Variants in PPP2R5C observed in about 807,000 individuals in gnomAD.
The protein encoded by PPP2R5C is protein phosphatase 2 regulatory subunit B'gamma.
Under a neutral mutation model 68.9 loss-of-function variants are expected in PPP2R5C, and 7 were observed. The observed-to-expected ratio is 0.10, with a 90% CI of 0.06 to 0.19. The LOEUF is 0.19. PPP2R5C is among the 10% of genes least tolerant of loss of function. The pLI is 1.00. For synonymous variants in PPP2R5C, 210 were observed against 222.2 expected (o/e 0.95, Z 0.49); for missense variants, 348 against 641.3 (o/e 0.54, Z 4.94).
upstream of PPP2R5C, chr14:101,761,785 GGCGGCGGCGGCGGCGGCC>G (rs2036550937): frequency 1.0e-6 from 1 of 970,560 alleles, no homozygotes; most frequent in African/African-American, 1.8e-5. Context: ...GTCCCCGGGC[GGCGGCGGCGGCGGCGGCC>G]GCGGGGGCGC....
upstream of PPP2R5C, among the ~76,000 whole-genome samples, chr14:101,809,409 A>C (rs575376135): frequency 1.3e-5 from 2 of 151,784 alleles, no homozygotes; most frequent in African/African-American, 4.8e-5. Context: ...AAAAAACAAA[A>C]AAAAAACACT....
At position 101,899,522 on chromosome 14, in the gene PPP2R5C, T is replaced by C. The variant is rs951855265; in HGVS notation, c.853-2197T>C. Among the ~76,000 whole-genome samples the C allele has an allele frequency of 2.6e-5, 4 of 152,188 alleles. No homozygotes were observed. Among genetic ancestry groups the C allele is most frequent in the Admixed American group, 6.5e-5 (1 of 15,286 alleles). The stretch of plus-strand genomic sequence containing the variant: ...CAAAATAGCTGATACCGATCACAGC[T>C]CATTCCAAACAATGTGAACAGGAAG... On this transcript the variant is annotated intron_variant, in intron 8 of 13. Transcript: ENST00000334743. The surrounding 1 kb of genome is among the most constrained non-coding windows in gnomAD (Gnocchi z 4.2).
At position 101,888,299 on chromosome 14, in the gene PPP2R5C, A is replaced by G. The variant is rs2044650585; in HGVS notation, c.630-1938A>G. ...CTGCAGGGTGAGTTTCGTAAATTAA[A>G]GCACCTCTCGGTGTAGACACACACA... On this transcript the variant is annotated intron_variant, in intron 5 of 13. Coordinates refer to ENST00000334743, the Ensembl canonical transcript of PPP2R5C. This position sits in a 1 kb window ranked among gnomAD's most constrained non-coding sequence, Gnocchi z 5.6. Among the ~76,000 whole-genome samples, 1 of 152,020 alleles carries G rather than the reference A, an allele frequency of 6.6e-6. No homozygotes were observed. Among genetic ancestry groups the G allele is most frequent in the Admixed American group, 6.6e-5 (1 of 15,260 alleles).
At chr14:101,927,934 AAAC>A (rs1260415757) in exon 14 of PPP2R5C, 1 of 152,256 alleles carries the variant, frequency 6.6e-6, no homozygotes, top group Non-Finnish European at 1.5e-5. Flanking sequence ...AAACTCTAAA[AAAC>A]GGTGTATCAT....
At chr14:101,921,180 A>G in intron 13 of PPP2R5C, 1 of 245,262 alleles carries the variant, frequency 4.1e-6, no homozygotes, top group South Asian at 3.2e-5. Context: ...CAATCCGCCC[A>G]CTTCAGCCTC....
rs369568129 is a variant in PPP2R5C, at chr14:101,911,362, A to C, written c.1254-1039A>C. Among the ~76,000 whole-genome samples, 16 of 152,296 alleles carry C rather than the reference A, an allele frequency of 1.1e-4. No homozygotes were observed. The South Asian group carries it at 3.1e-3, about 30-fold the overall frequency. ...CAAAATACACCTAAGTGAACTATAGAGCATGAGAGATGACAAGTCAGTCAG... is the reference window on the plus strand; with the variant it reads ...CAAAATACACCTAAGTGAACTATAGCGCATGAGAGATGACAAGTCAGTCAG... On this transcript the variant is annotated intron_variant, in intron 11 of 13. Coordinates refer to ENST00000334743, the Ensembl canonical transcript of PPP2R5C.
At chr14:101,867,038 G>A (rs2043114298) in intron 2 of PPP2R5C, among the ~76,000 whole-genome samples, 2 of 152,118 alleles carry the variant, frequency 1.3e-5, no homozygotes, top group Non-Finnish European at 2.9e-5. Context: ...CCAACGTGGT[G>A]GAACCCTGTC....
intron 2 of PPP2R5C, among the ~76,000 whole-genome samples, chr14:101,867,232 A>G (rs890198364): frequency 7.3e-5 from 11 of 151,042 alleles, no homozygotes; most frequent in Non-Finnish European, 1.5e-4. Flanking sequence ...AAAAAGCAAG[A>G]AGAAAGAGAA....
chr14:101,779,821 A>G (rs2037590080), intron 2 of PPP2R5C, among the ~76,000 whole-genome samples: 1 of 152,174 alleles, frequency 6.6e-6, no homozygotes, highest in African/African-American at 2.4e-5. Flanking sequence ...TCACCACTGT[A>G]CCACCAACAC....
chr14:101,847,088 G>A (rs2041871659), intron 1 of PPP2R5C, among the ~76,000 whole-genome samples: 1 of 152,170 alleles, frequency 6.6e-6, no homozygotes, highest in African/African-American at 2.4e-5. Context: ...GTACCTCTCA[G>A]TTAAATTACC....
chr14:101,821,278 A>C (rs902638793), intron 1 of PPP2R5C, among the ~76,000 whole-genome samples: 1 of 152,018 alleles, frequency 6.6e-6, no homozygotes, highest in African/African-American at 2.4e-5. Context: ...TAATCAATTA[A>C]TATGTGAATA....
chr14:101,906,611 C>G lies in PPP2R5C; in HGVS notation c.1151+82C>G. 2.1e-6 allele frequency: 3 copies of G among 1,451,308 alleles called. No individual in the cohort carries two copies. Among genetic ancestry groups the G allele is most frequent in the Non-Finnish European group, 2.8e-6 (3 of 1,076,800 alleles). The allele number at this position is 1,451,308 out of a possible 1,614,324, so 89.9% of individuals were successfully genotyped here. ...CTGCTACTTCAGTAAGAATAAATAT[C>G]AGAATTTTAAATATCAATTAAAAAA... On this transcript the variant is annotated intron_variant, in intron 10 of 13. Transcript: ENST00000334743. This position sits in a 1 kb window ranked among gnomAD's most constrained non-coding sequence, Gnocchi z 4.0.
chr14:101,901,883 C>T (rs2045712739), exon 9 of PPP2R5C: 6 of 1,614,058 alleles, frequency 3.7e-6, no homozygotes, highest in Non-Finnish European at 5.1e-6. Flanking sequence ...CCAGCCCACA[C>T]TTCCAGGTAT....
intron 3 of PPP2R5C, among the ~76,000 whole-genome samples, chr14:101,803,711 C>G (rs1428895114): frequency 6.7e-6 from 1 of 149,580 alleles, no homozygotes; most frequent in Non-Finnish European, 1.5e-5. Context: ...GCCTGGACAG[C>G]AGAGCAAGAC....
chr14:101,900,842 C>A (rs919221241), intron 8 of PPP2R5C, among the ~76,000 whole-genome samples: 1 of 152,240 alleles, frequency 6.6e-6, no homozygotes, highest in African/African-American at 2.4e-5. Flanking sequence ...GTGGCACAGA[C>A]CCTCTGGGTG....
intron 1 of PPP2R5C, among the ~76,000 whole-genome samples, chr14:101,829,701 T>C (rs72715659): frequency 0.084 from 12,768 of 152,216 alleles, 553 homozygotes; most frequent in Middle Eastern, 0.14. Context: ...CAGTTTTCCA[T>C]GCATGGACCC....
intron 1 of PPP2R5C, chr14:101,824,363 T>G (rs2040270024): frequency 3.0e-6 from 1 of 333,634 alleles, no homozygotes; most frequent in Admixed American, 4.3e-5. Context: ...TAGGAAAGCA[T>G]CAAGAAATAT....
At chr14:101,832,976 TG>T (rs1274834774) in intron 1 of PPP2R5C, among the ~76,000 whole-genome samples, 1 of 152,174 alleles carries the variant, frequency 6.6e-6, no homozygotes, top group East Asian at 1.9e-4. Context: ...AGGACAGTTG[TG>T]GATAGTCAGG....
upstream of PPP2R5C, among the ~76,000 whole-genome samples, chr14:101,761,527 G>A (rs1402902859): frequency 1.9e-4 from 28 of 147,264 alleles, no homozygotes; most frequent in African/African-American, 6.7e-4. Flanking sequence ...TAGGGTACGT[G>A]GGGGCGCGTC....
Sources: gnomAD v4.1 joint callset for allele counts (sites outside exome capture counted in the v4.1 genomes callset) on GRCh38, gnomAD v4.1.1 for gene constraint, Gnocchi (gnomAD v3.1) non-coding constraint, MANE v1.5 for transcripts, NCBI Gene and HGNC (gene_info 2026-07-23, HGNC 2026-07-21) for gene names.